Variants in ABLIM1 observed in about 807,000 individuals in gnomAD.
The protein encoded by ABLIM1 is actin-binding LIM protein 1.
ABLIM1 carries 40 observed loss-of-function variants against 107.0 expected under a neutral mutation model. That is an observed-to-expected ratio of 0.37 (90% CI 0.29 to 0.49). ABLIM1 has a LOEUF of 0.49. Among genes scored for constraint, ABLIM1 ranks in the 20% least tolerant of loss-of-function variants. The pLI, the probability that ABLIM1 is intolerant of heterozygous loss-of-function variation, is 0.97. For synonymous variants in ABLIM1, 357 were observed against 357.3 expected (o/e 1.00, Z 0.01); for missense variants, 857 against 1,008.5 (o/e 0.85, Z 2.04).
At chr10:114,439,515 T>A in intron 20 of ABLIM1, 1 of 549,786 alleles carries the variant, frequency 1.8e-6, no homozygotes. Flanking sequence ...TGAAAGCATA[T>A]AGTACATTTA....
At chr10:114,507,993 C>T (rs1297146144) in intron 6 of ABLIM1, among the ~76,000 whole-genome samples, 1 of 152,242 alleles carries the variant, frequency 6.6e-6, no homozygotes, top group East Asian at 1.9e-4. Flanking sequence ...CCCAGCTTCC[C>T]AGCCAAAGCA....
At chr10:114,628,288 G>C (rs997788501) in intron 1 of ABLIM1, among the ~76,000 whole-genome samples, 1 of 152,244 alleles carries the variant, frequency 6.6e-6, no homozygotes, top group African/African-American at 2.4e-5. Flanking sequence ...AAGGGCATTT[G>C]CTAATGTCTG....
intron 1 of ABLIM1, among the ~76,000 whole-genome samples, chr10:114,753,669 T>G (rs2082567795): frequency 6.6e-6 from 1 of 152,220 alleles, no homozygotes; most frequent in Non-Finnish European, 1.5e-5. Flanking sequence ...CTACTTACAT[T>G]GTATATTCAT....
At chr10:114,583,462 CACACACATATATATATATATATATATAT>C (rs1437987887) in intron 2 of ABLIM1, among the ~76,000 whole-genome samples, 219 of 8,890 alleles carry the variant, frequency 0.025, no homozygotes, top group Middle Eastern at 0.071. Context: ...CACACACACA[CACACACATATATATATATATATATATAT>C]ATATATATAT....
At chr10:114,699,773 G>A (rs940609814) in intron 1 of ABLIM1, among the ~76,000 whole-genome samples, 4 of 152,092 alleles carry the variant, frequency 2.6e-5, no homozygotes, top group African/African-American at 9.7e-5. Flanking sequence ...CCATCCAGAA[G>A]TAAAAAGTAA....
intron 1 of ABLIM1, among the ~76,000 whole-genome samples, chr10:114,695,365 C>A (rs955440204): frequency 2.0e-5 from 3 of 151,984 alleles, no homozygotes; most frequent in Admixed American, 6.6e-5. Flanking sequence ...ATACTCACAC[C>A]CCCCACTGGA....
At chr10:114,721,165 G>A (rs532772748) in intron 1 of ABLIM1, among the ~76,000 whole-genome samples, 1 of 152,334 alleles carries the variant, frequency 6.6e-6, no homozygotes, top group Non-Finnish European at 1.5e-5. Flanking sequence ...GGTGGCACTG[G>A]AGGATTAACT....
At chr10:114,762,087 G>A (rs2082761782) in intron 1 of ABLIM1, among the ~76,000 whole-genome samples, 1 of 151,872 alleles carries the variant, frequency 6.6e-6, no homozygotes, top group South Asian at 2.1e-4. Flanking sequence ...AGGCTGGAGG[G>A]CAGTGGCGCA....
At chr10:114,675,874 G>A (rs374572364) in intron 1 of ABLIM1, among the ~76,000 whole-genome samples, 37 of 152,236 alleles carry the variant, frequency 2.4e-4, no homozygotes, top group African/African-American at 8.7e-4. Context: ...GGCCTTTCTT[G>A]GTTTGGAGAT....
At chr10:114,465,874 G>A (rs373811430) in intron 11 of ABLIM1, 47 bp from the exon 12 acceptor site, 5 of 1,596,662 alleles carry the variant, frequency 3.1e-6, no homozygotes, top group Non-Finnish European at 4.3e-6. Flanking sequence ...TGCCTCAGTA[G>A]GAACCACGCT....
intron 1 of ABLIM1, among the ~76,000 whole-genome samples, chr10:114,764,105 A>T (rs1035170777): frequency 6.6e-6 from 1 of 152,230 alleles, no homozygotes; most frequent in African/African-American, 2.4e-5. Flanking sequence ...ACTCTATTCC[A>T]AGTGTTATAA....
intron 1 of ABLIM1, among the ~76,000 whole-genome samples, chr10:114,639,278 A>T (rs1275336191): frequency 1.3e-5 from 2 of 152,234 alleles, no homozygotes; most frequent in Non-Finnish European, 2.9e-5. Flanking sequence ...TACAGAGAAG[A>T]GACCATGCAA....
At chr10:114,612,543 G>C (rs548748939) in intron 1 of ABLIM1, among the ~76,000 whole-genome samples, 19 of 152,332 alleles carry the variant, frequency 1.2e-4, no homozygotes, top group African/African-American at 4.6e-4. Flanking sequence ...TGTCAGGAAA[G>C]ACTGTCACTA....
chr10:114,722,901 T>A (rs1475988695), intron 1 of ABLIM1, among the ~76,000 whole-genome samples: 1 of 152,198 alleles, frequency 6.6e-6, no homozygotes, highest in Non-Finnish European at 1.5e-5. Flanking sequence ...ATTTTTTTTT[T>A]AACCCAGCTC....
At position 114,670,414 on chromosome 10, in the gene ABLIM1, A is replaced by G. The variant is rs139791708; in HGVS notation, c.64+13876T>C. ...AAGATACATATATTAGAGAAAACTT[A>G]AAAAACACTGAAATCTATTGAGAAA... On this transcript the variant is annotated intron_variant, in intron 1 of 23. Transcript: ENST00000369256. 8.5e-3 allele frequency among the ~76,000 whole-genome samples: 1,302 copies of G among 152,378 alleles called. 9 individuals are homozygous for G. The highest frequency in any genetic ancestry group is 0.016 in the Admixed American group (250 of 15,310).
intron 12 of ABLIM1, among the ~76,000 whole-genome samples, chr10:114,462,333 A>G (rs555029173): frequency 6.6e-6 from 1 of 152,334 alleles, no homozygotes; most frequent in Admixed American, 6.5e-5. Context: ...TTAATTTTAA[A>G]TTATGACCCC....
intron 15 of ABLIM1, among the ~76,000 whole-genome samples, chr10:114,447,659 G>A (rs964593167): frequency 2.6e-5 from 4 of 152,314 alleles, no homozygotes; most frequent in African/African-American, 9.6e-5. Flanking sequence ...ATCCCAGTGG[G>A]TTTGGTTAGA....
chr10:114,748,818 A>T (rs576482524), intron 1 of ABLIM1, among the ~76,000 whole-genome samples: 40 of 151,994 alleles, frequency 2.6e-4, no homozygotes, highest in African/African-American at 9.2e-4. Context: ...CACCACACCC[A>T]GCTAATTTTA....
chr10:114,709,094 T>A (rs1020361631), intron 1 of ABLIM1, among the ~76,000 whole-genome samples: 1 of 152,192 alleles, frequency 6.6e-6, no homozygotes, highest in Non-Finnish European at 1.5e-5. Context: ...CATAGTTAAG[T>A]TACTGCTAGC....
Sources: gnomAD v4.1 joint callset for allele counts (sites outside exome capture counted in the v4.1 genomes callset) on GRCh38, gnomAD v4.1.1 for gene constraint, MANE v1.5 for transcripts, NCBI Gene and HGNC (gene_info 2026-07-23, HGNC 2026-07-21) for gene names.